SSBP2: variants seen among roughly 807,000 people sequenced by gnomAD.
SSBP2 encodes the protein single-stranded DNA-binding protein 2.
Under a neutral mutation model 61.8 loss-of-function variants are expected in SSBP2, and 17 were observed. The ratio of observed to expected loss-of-function variants is 0.28; its 90% CI spans 0.19 to 0.41. The LOEUF is 0.41. Ranked by LOEUF, SSBP2 falls within the 10% of genes least tolerant of loss-of-function variation. SSBP2 has a pLI of 1.00. For missense variants in SSBP2, 310 were observed against 458.7 expected, an observed-to-expected ratio of 0.68 and a Z score of 2.96; for synonymous variants, 139 against 141.3, an observed-to-expected ratio of 0.98 and a Z score of 0.12.
At chr5:81,509,855 T>G (rs1768462530) in intron 5 of SSBP2, among the ~76,000 whole-genome samples, 1 of 152,180 alleles carries the variant, frequency 6.6e-6, no homozygotes, top group African/African-American at 2.4e-5. Flanking sequence ...ATTCTTCTCT[T>G]TCTCTTCTAC....
chr5:81,558,544 T>G (rs1396707048), intron 4 of SSBP2, among the ~76,000 whole-genome samples: 3 of 152,226 alleles, frequency 2.0e-5, no homozygotes, highest in Non-Finnish European at 1.5e-5. Flanking sequence ...TAGATGAATG[T>G]TGGCAAAATG....
chr5:81,488,069 T>TATTATATATATGTGGTGTGTGTGTGTA (rs1766566830), intron 6 of SSBP2, among the ~76,000 whole-genome samples: 1 of 92,264 alleles, frequency 1.1e-5, no homozygotes, highest in Non-Finnish European at 2.6e-5. Flanking sequence ...AAATAAAATA[T>TATTATATATATGTGGTGTGTGTGTGTA]CATATATTAT....
chr5:81,454,624 T>C (rs1411180193), intron 10 of SSBP2, among the ~76,000 whole-genome samples: 1 of 151,850 alleles, frequency 6.6e-6, no homozygotes, highest in Non-Finnish European at 1.5e-5. Flanking sequence ...GAGGTTGCAG[T>C]GAGCCGAGAT....
chr5:81,594,793 A>G, intron 4 of SSBP2, among the ~76,000 whole-genome samples: 1 of 152,204 alleles, frequency 6.6e-6, no homozygotes, highest in Non-Finnish European at 1.5e-5. Flanking sequence ...TTTGAAACCA[A>G]TGAGAACAAA....
intron 1 of SSBP2, among the ~76,000 whole-genome samples, chr5:81,692,302 G>C (rs1753270359): frequency 1.3e-5 from 2 of 151,990 alleles, no homozygotes; most frequent in African/African-American, 4.8e-5. Flanking sequence ...AACCAAAGAA[G>C]CGAAAGATCT....
chr5:81,537,946 A>G (rs1200457061), intron 4 of SSBP2, among the ~76,000 whole-genome samples: 1 of 152,156 alleles, frequency 6.6e-6, no homozygotes, highest in Non-Finnish European at 1.5e-5. Context: ...AAAAATGACA[A>G]TAATATTAAA....
chr5:81,715,383 G>C (rs1389660911), intron 1 of SSBP2, among the ~76,000 whole-genome samples: 1 of 152,148 alleles, frequency 6.6e-6, no homozygotes, highest in East Asian at 1.9e-4. Context: ...AAAATAAAGA[G>C]TCCAAGATAA....
At chr5:81,474,183 G>A (rs1445973868) in intron 7 of SSBP2, among the ~76,000 whole-genome samples, 2 of 152,106 alleles carry the variant, frequency 1.3e-5, no homozygotes, top group Non-Finnish European at 2.9e-5. Flanking sequence ...TCTGAAAAAG[G>A]CAAAAGAAAT....
At chr5:81,528,234 G>A (rs933815058) in intron 4 of SSBP2, among the ~76,000 whole-genome samples, 1 of 151,888 alleles carries the variant, frequency 6.6e-6, no homozygotes, top group Non-Finnish European at 1.5e-5. Context: ...TTTTGTTTCT[G>A]GCTAAAATAA....
Position 81,751,037 on chromosome 5 carries a change from G to A in SSBP2, c.6C>T (p.Tyr2=), listed in dbSNP as rs768867557. 6.3e-6 allele frequency: 10 copies of A among 1,595,140 alleles called. No homozygotes were observed. Among genetic ancestry groups the A allele is most frequent in the South Asian group, 5.7e-5 (5 of 88,000 alleles). ...CGCTGCTGTTACTCTTGCCTTTGCC[G>A]TACATGCTTGTGCCGAGAGCAGCTC... is the stretch of plus-strand genomic sequence containing the variant. The change falls in exon 1 of 17, where the codon TAC becomes TAT. Residue 2 remains tyrosine (Y), a synonymous_variant. Transcript: ENST00000320672.
intron 1 of SSBP2, among the ~76,000 whole-genome samples, chr5:81,700,035 T>C (rs551248998): frequency 4.6e-5 from 7 of 152,172 alleles, no homozygotes; most frequent in African/African-American, 1.7e-4. Context: ...TTTGTAGTGA[T>C]GAAGTTTCTC....
upstream of SSBP2, chr5:81,751,128 C>T: frequency 1.9e-5 from 26 of 1,393,684 alleles, no homozygotes; most frequent in South Asian, 2.5e-5. Flanking sequence ...CATGGCGACC[C>T]ACGCAGCCAC....
At chr5:81,463,160 A>C (rs1764656368) in intron 9 of SSBP2, among the ~76,000 whole-genome samples, 1 of 152,076 alleles carries the variant, frequency 6.6e-6, no homozygotes, top group South Asian at 2.1e-4. Context: ...GGATAAGTTA[A>C]ATTTCTCCTA....
intron 4 of SSBP2, among the ~76,000 whole-genome samples, chr5:81,561,203 A>G (rs1773018155): frequency 6.6e-6 from 1 of 152,194 alleles, no homozygotes; most frequent in African/African-American, 2.4e-5. Flanking sequence ...TTATTATGGG[A>G]ACATCCTATG....
intron 1 of SSBP2, among the ~76,000 whole-genome samples, chr5:81,722,794 G>T (rs1755624817): frequency 6.6e-6 from 1 of 151,936 alleles, no homozygotes; most frequent in Non-Finnish European, 1.5e-5. Context: ...TTCCCTTTAA[G>T]TATGCATAAA....
chr5:81,485,078 A>G lies in SSBP2; in HGVS notation c.432+4172T>C, dbSNP rs905931749. Among the ~76,000 whole-genome samples, 9 of 152,018 alleles carry G rather than the reference A, an allele frequency of 5.9e-5. 1 individual carries two copies. The South Asian group carries it at 1.2e-3, about 21-fold the overall frequency. Reference sequence around the variant, plus strand: ...AGATAGTGTTGAATGAATACTGTGAATTTTTCTGATTGCATATTTTATCCA... The same window carrying G: ...AGATAGTGTTGAATGAATACTGTGAGTTTTTCTGATTGCATATTTTATCCA... On this transcript the variant is annotated intron_variant, in intron 6 of 16. Coordinates refer to ENST00000320672, the MANE Select transcript of SSBP2 (RefSeq NM_012446.5).
intron 4 of SSBP2, among the ~76,000 whole-genome samples, chr5:81,591,182 G>A (rs6896538): frequency 6.6e-6 from 1 of 152,076 alleles, no homozygotes; most frequent in Admixed American, 6.6e-5. Context: ...CTAAACACAA[G>A]ATAATGCTAG....
chr5:81,441,231 C>G (rs1451705013), intron 13 of SSBP2, among the ~76,000 whole-genome samples: 1 of 152,200 alleles, frequency 6.6e-6, no homozygotes, highest in Non-Finnish European at 1.5e-5. Context: ...TTCTGCTTAA[C>G]ATTTTTCAAA....
intron 1 of SSBP2, among the ~76,000 whole-genome samples, chr5:81,665,673 A>AG (rs1751052258): frequency 1.3e-5 from 2 of 152,088 alleles, no homozygotes; most frequent in South Asian, 2.1e-4. Context: ...TTTTATTATT[A>AG]TTAGTAGTAG....
Sources: allele counts gnomAD v4.1 joint callset (sites outside exome capture counted in the v4.1 genomes callset), GRCh38; gene constraint gnomAD v4.1.1; transcripts MANE v1.5; gene names NCBI Gene and HGNC (gene_info 2026-07-23, HGNC 2026-07-21).